FAM184B: variants seen among roughly 807,000 people sequenced by gnomAD.
FAM184B encodes the protein family with sequence similarity 184 member B, also known as protein FAM184B.
A neutral mutation model predicts 135.9 loss-of-function variants in FAM184B; 111 were observed. That is an observed-to-expected ratio of 0.82 (90% CI 0.70 to 0.96). The LOEUF (loss-of-function observed/expected upper bound fraction) is 0.96, where lower values mean the gene tolerates loss of function less well. FAM184B is among the 40% of genes least tolerant of loss of function. The pLI is 0.00. For synonymous variants in FAM184B, 552 were observed against 524.8 expected, an observed-to-expected ratio of 1.05 and a Z score of -0.71; for missense variants, 1,375 against 1,323.9, an observed-to-expected ratio of 1.04 and a Z score of -0.60.
chr4:17,698,798 G>A (rs995215810), intron 5 of FAM184B, among the ~76,000 whole-genome samples: 1 of 152,062 alleles, frequency 6.6e-6, no homozygotes, highest in African/African-American at 2.4e-5. Context: ...CAATGAAGCT[G>A]GTTCACAAGT....
chr4:17,655,421 G>C (rs1481920419), intron 10 of FAM184B, among the ~76,000 whole-genome samples: 1 of 152,136 alleles, frequency 6.6e-6, no homozygotes, highest in Non-Finnish European at 1.5e-5. Flanking sequence ...GGATCACACA[G>C]GGTGCAGCAC....
chr4:17,740,837 C>T (rs1288743472), intron 1 of FAM184B, among the ~76,000 whole-genome samples: 1 of 152,182 alleles, frequency 6.6e-6, no homozygotes, highest in Non-Finnish European at 1.5e-5. Context: ...CTTTTTCCAT[C>T]ACAACAGGTT....
At chr4:17,638,134 C>CTCTTTTTTTTTT (rs1715200576) in intron 14 of FAM184B, among the ~76,000 whole-genome samples, 1 of 73,418 alleles carries the variant, frequency 1.4e-5, no homozygotes, top group Admixed American at 1.8e-4. Flanking sequence ...TAACTGTTTG[C>CTCTTTTTTTTTT]TTTTTTTTTT....
At chr4:17,753,098 G>C (rs1187286806) in intron 1 of FAM184B, among the ~76,000 whole-genome samples, 4 of 152,066 alleles carry the variant, frequency 2.6e-5, no homozygotes, top group African/African-American at 9.7e-5. Context: ...TTTGACCCCT[G>C]CCCTGACATT....
chr4:17,772,082 A>C (rs1029221296), intron 1 of FAM184B, among the ~76,000 whole-genome samples: 4 of 152,164 alleles, frequency 2.6e-5, no homozygotes, highest in African/African-American at 9.7e-5. Context: ...GTTTAACCCC[A>C]AAATTATTCA....
At chr4:17,658,927 A>C (rs1045937197) in intron 9 of FAM184B, among the ~76,000 whole-genome samples, 1 of 150,484 alleles carries the variant, frequency 6.6e-6, no homozygotes, top group Non-Finnish European at 1.5e-5. Context: ...ACCTCCCCCA[A>C]CTCCACATCC....
chr4:17,738,102 T>C (rs983030223), intron 1 of FAM184B, among the ~76,000 whole-genome samples: 3 of 152,138 alleles, frequency 2.0e-5, no homozygotes, highest in Non-Finnish European at 4.4e-5. Context: ...GGGCTGATGA[T>C]AGAACTCCAT....
chr4:17,707,853 A>C, intron 2 of FAM184B, 69 bp from the exon 3 acceptor site: 1 of 1,525,848 alleles, frequency 6.6e-7, no homozygotes. Context: ...TGTACACAGA[A>C]TAGCCATCAG....
intron 3 of FAM184B, among the ~76,000 whole-genome samples, chr4:17,706,382 T>C (rs1417769855): frequency 6.6e-6 from 1 of 152,170 alleles, no homozygotes; most frequent in Non-Finnish European, 1.5e-5. Flanking sequence ...CATGGTGGCA[T>C]CTTTCCCATG....
rs920329745 is a variant in FAM184B at position 17,630,545 on chromosome 4, T to A, written c.*1987A>T. On this transcript the variant is annotated 3_prime_UTR_variant, in exon 18 of 18. Transcript: ENST00000265018. ...CCTCTAGGACTGTGAGTGACATATTTCTATTGTTTATAAATTATCCAGTAT... is the reference window on the plus strand; with the variant it reads ...CCTCTAGGACTGTGAGTGACATATTACTATTGTTTATAAATTATCCAGTAT... 2 of 152,242 alleles carry A rather than the reference T, an allele frequency of 1.3e-5. No homozygotes were observed. Among genetic ancestry groups the A allele is most frequent in the African/African-American group, 4.8e-5 (2 of 41,468 alleles). The allele number at this position is 152,242 out of a possible 1,614,324, so 9.4% of individuals were successfully genotyped here.
chr4:17,668,209 C>A (rs376064039), intron 7 of FAM184B, among the ~76,000 whole-genome samples: 1 of 152,316 alleles, frequency 6.6e-6, no homozygotes, highest in South Asian at 2.1e-4. Context: ...TTCCTTCCAG[C>A]GGCCCGCCCT....
At chr4:17,701,095 C>T (rs1161580019) in intron 5 of FAM184B, among the ~76,000 whole-genome samples, 3 of 152,222 alleles carry the variant, frequency 2.0e-5, no homozygotes, top group Non-Finnish European at 4.4e-5. Flanking sequence ...TTATTACACA[C>T]TGACTTGACT....
At chr4:17,653,869 C>A (rs544442767) in intron 10 of FAM184B, among the ~76,000 whole-genome samples, 1 of 24,064 alleles carries the variant, frequency 4.2e-5, no homozygotes, top group African/African-American at 1.9e-4. Context: ...ATAAGAGGGC[C>A]GTAGGAGGCT....
chr4:17,640,881 T>C (rs1356658274), intron 13 of FAM184B, among the ~76,000 whole-genome samples: 2 of 152,216 alleles, frequency 1.3e-5, no homozygotes. Context: ...CCAAGCCTCC[T>C]GCACACATTC....
intron 13 of FAM184B, among the ~76,000 whole-genome samples, chr4:17,640,052 G>A (rs1715263496): frequency 6.6e-6 from 1 of 151,224 alleles, no homozygotes; most frequent in African/African-American, 2.4e-5. Flanking sequence ...GGCTAGTCTC[G>A]AACTCCTGAC....
At chr4:17,729,967 G>A (rs1234337334) in intron 1 of FAM184B, among the ~76,000 whole-genome samples, 2 of 152,156 alleles carry the variant, frequency 1.3e-5, no homozygotes, top group Non-Finnish European at 2.9e-5. Context: ...AAACTACTCC[G>A]AGCTACAGGA....
chr4:17,740,846 T>C (rs1476800096), intron 1 of FAM184B, among the ~76,000 whole-genome samples: 1 of 152,144 alleles, frequency 6.6e-6, no homozygotes, highest in East Asian at 1.9e-4. Context: ...TCACAACAGG[T>C]TTCACTGTCG....
intron 13 of FAM184B, among the ~76,000 whole-genome samples, chr4:17,641,461 C>CTTTTTTTTTTTTTTTTTTTTTTT (rs71167316): frequency 2.2e-5 from 1 of 45,700 alleles, no homozygotes; most frequent in African/African-American, 8.4e-5. Context: ...AGGACTCCCT[C>CTTTTTTTTTTTTTTTTTTTTTTT]TTTTTTTTTT....
chr4:17,632,355 G>A lies in FAM184B; in HGVS notation c.*177C>T, dbSNP rs957513494. The A allele has an allele frequency of 1.5e-5, 7 of 470,704 alleles. No homozygotes were observed. The East Asian group carries it at 2.2e-4, about 15-fold the overall frequency. 29.2% of individuals were successfully genotyped at this position (470,704 alleles called of 1,614,324 possible). A position where few individuals can be genotyped will look rare whatever the true frequency, so the allele number is the denominator to read the frequency against. ...CTCCCAAAGTGATGGGATTACAGGC[G>A]TGAGCTGCTGTGCCTGGCAGAACAG... On this transcript the variant is annotated 3_prime_UTR_variant, in exon 18 of 18. Transcript: ENST00000265018.
Sources: allele counts gnomAD v4.1 joint callset (sites outside exome capture counted in the v4.1 genomes callset), GRCh38; gene constraint gnomAD v4.1.1; transcripts MANE v1.5; gene names NCBI Gene and HGNC (gene_info 2026-07-23, HGNC 2026-07-21).